Variants in MBTPS2 observed in about 807,000 individuals in gnomAD.
MBTPS2 encodes membrane bound transcription factor peptidase, site 2, also known as membrane-bound transcription factor site-2 protease.
In MBTPS2, 2 loss-of-function variants were observed where a neutral mutation model predicts 35.4. The ratio of observed to expected loss-of-function variants is 0.06; its 90% CI spans 0.02 to 0.18. The LOEUF (loss-of-function observed/expected upper bound fraction) is 0.18, where lower values mean the gene tolerates loss of function less well. Among genes scored for constraint, MBTPS2 ranks in the 10% least tolerant of loss-of-function variants. The probability of loss-of-function intolerance (pLI) is 1.00; values close to 1 mark genes in which losing one functional copy is unlikely to be tolerated. For missense variants in MBTPS2, 244 were observed against 386.5 expected (o/e 0.63, Z 3.09); for synonymous variants, 125 against 140.4 (o/e 0.89, Z 0.77).
At chrX:21,842,596 C>G (rs770477427) in intron 1 of MBTPS2, among the ~76,000 whole-genome samples, 5 of 111,183 alleles carry the variant, frequency 4.5e-5, no homozygotes, top group South Asian at 7.6e-4. Flanking sequence ...TAATGCCCCC[C>G]CCAAAAGTAA....
At chrX:21,873,069 A>C (rs1461563731) in intron 7 of MBTPS2, 2 of 111,740 alleles carry the variant, frequency 1.8e-5, no homozygotes, top group African/African-American at 3.2e-5. Flanking sequence ...AGAGCAATAA[A>C]GCCACCTAGG....
chrX:21,882,305 G>T, intron 10 of MBTPS2, 128 bp from the exon 11 acceptor site: 1 of 547,857 alleles, frequency 1.8e-6, no homozygotes. Flanking sequence ...GAATGGCAGA[G>T]ATTTAAAGAA....
In MBTPS2 at chrX:21,883,100, C is replaced by T. The variant is rs2092961081; in HGVS notation, c.*445C>T. On this transcript the variant is annotated 3_prime_UTR_variant, in exon 11 of 11. Coordinates refer to ENST00000379484, the MANE Select transcript of MBTPS2 (RefSeq NM_015884.4). ...GGATGACCATTGTCTTGGCCTGTAT[C>T]TCTTGTCCTTTGTCTTGTTTGAAAA... The T allele has an allele frequency of 2.6e-6, 2 of 778,391 alleles. No individual in the cohort carries two copies. The highest frequency in any genetic ancestry group is 1.4e-4 in the Admixed American group (2 of 14,071). 64.1% of individuals were successfully genotyped at this position (778,391 alleles called of 1,213,427 possible). A position where few individuals can be genotyped will look rare whatever the true frequency, so the allele number is the denominator to read the frequency against.
chrX:21,842,500 C>T (rs1438648654), intron 1 of MBTPS2, among the ~76,000 whole-genome samples: 1 of 109,125 alleles, frequency 9.2e-6, no homozygotes, highest in Non-Finnish European at 1.9e-5. Flanking sequence ...AGCTATTAGC[C>T]ACATGTGGTT....
chrX:21,863,107 C>A (rs1216958299), intron 5 of MBTPS2, among the ~76,000 whole-genome samples: 1 of 94,442 alleles, frequency 1.1e-5, no homozygotes, highest in African/African-American at 3.8e-5. Context: ...AAAAAACACA[C>A]ACACTAAAAA....
chrX:21,841,262 A>T (rs1242676579), intron 1 of MBTPS2, among the ~76,000 whole-genome samples: 1 of 111,363 alleles, frequency 9.0e-6, no homozygotes, highest in Non-Finnish European at 1.9e-5. Flanking sequence ...CTCTACAAAA[A>T]ATTTAAAAGT....
chrX:21,861,519 G>C (rs1446096178), intron 5 of MBTPS2, among the ~76,000 whole-genome samples: 1 of 110,796 alleles, frequency 9.0e-6, no homozygotes, highest in African/African-American at 3.3e-5. Flanking sequence ...TTTATGAACA[G>C]ATATGGAAAA....
At chrX:21,849,848 A>T (rs1036597515) in intron 3 of MBTPS2, among the ~76,000 whole-genome samples, 3 of 74,440 alleles carry the variant, frequency 4.0e-5, no homozygotes, top group African/African-American at 2.0e-4. Flanking sequence ...CCCCGTCTCT[A>T]CTAAAAATAC....
chrX:21,860,184 G>A (rs1473331190), intron 5 of MBTPS2, among the ~76,000 whole-genome samples: 159 of 112,061 alleles, frequency 1.4e-3, no homozygotes, highest in Non-Finnish European at 2.7e-3. Context: ...GAGGTGGGTG[G>A]ATCACTTAAG....
At chrX:21,872,270 G>A in intron 7 of MBTPS2, 1 of 111,773 alleles carries the variant, frequency 8.9e-6, no homozygotes, top group Admixed American at 9.6e-5. Context: ...CTCTTCAGTA[G>A]GATTGTTTTA....
chrX:21,882,124 A>G (rs2092960175), intron 10 of MBTPS2, among the ~76,000 whole-genome samples: 1 of 111,871 alleles, frequency 8.9e-6, no homozygotes, highest in South Asian at 3.7e-4. Flanking sequence ...TATTCCTTCC[A>G]CATTCCTTTC....
chrX:21,848,109 A>G (rs751949430), intron 3 of MBTPS2, among the ~76,000 whole-genome samples: 2 of 112,818 alleles, frequency 1.8e-5, no homozygotes, highest in Non-Finnish European at 3.7e-5. Context: ...GATATTATGC[A>G]CACATTAAAA....
rs377760119 is a variant in MBTPS2, at chrX:21,869,682, T to A, written c.970+4T>A. 2.6e-5 allele frequency: 31 copies of A among 1,184,531 alleles called. No individual in the cohort carries two copies. The highest frequency in any genetic ancestry group is 2.5e-5 in the Non-Finnish European group (22 of 871,939). ...CAGTTAAGTTTCCCAGTTAGAGGTGTGTATATTTCCTCAATATAATATAAT... is the reference window on the plus strand; with the variant it reads ...CAGTTAAGTTTCCCAGTTAGAGGTGAGTATATTTCCTCAATATAATATAAT... On this transcript the variant is annotated splice_donor_region_variant and intron_variant, in intron 7 of 10. Transcript: ENST00000379484.
intron 4 of MBTPS2, 37 bp downstream of exon 4, chrX:21,851,649 A>G: frequency 1.1e-6 from 1 of 924,351 alleles, no homozygotes; most frequent in Non-Finnish European, 1.6e-6. Context: ...ACTACATGCA[A>G]AAAAAAGCTT....
intron 3 of MBTPS2, among the ~76,000 whole-genome samples, chrX:21,851,075 A>G (rs949711392): frequency 1.8e-5 from 2 of 111,771 alleles, no homozygotes; most frequent in African/African-American, 3.3e-5. Flanking sequence ...ACCTTGCAAT[A>G]ACAATTCAGC....
rs756803253 is a variant in MBTPS2, at chrX:21,863,519, A to G, written c.671-4948A>G. Among the ~76,000 whole-genome samples, 4 of 110,727 alleles carry G rather than the reference A, an allele frequency of 3.6e-5. No individual in the cohort carries two copies. The East Asian group carries it at 1.1e-3, about 31-fold the overall frequency. On this transcript the variant is annotated intron_variant, in intron 5 of 10. Transcript: ENST00000379484. The stretch of plus-strand genomic sequence containing the variant: ...GGAAAGATGACTTTTTATTACTTCT[A>G]TATTGTTTGGAATTTTTATAGTCAG...
chrX:21,883,159 C>T lies in MBTPS2; in HGVS notation c.*504C>T, dbSNP rs910084488. The T allele has an allele frequency of 3.9e-6, 3 of 759,538 alleles. No homozygotes were observed. The highest frequency in any genetic ancestry group is 4.7e-6 in the Non-Finnish European group (3 of 641,363). 62.6% of individuals were successfully genotyped at this position (759,538 alleles called of 1,213,427 possible). A position where few individuals can be genotyped will look rare whatever the true frequency, so the allele number is the denominator to read the frequency against. On this transcript the variant is annotated 3_prime_UTR_variant, in exon 11 of 11. Transcript: ENST00000379484. ...AAACTTAATGGTGTATTATTTTGTG[C>T]TCTGAAAGCTGAGGTCTGATTACAA...
chrX:21,842,552 G>C (rs768855653), intron 1 of MBTPS2, among the ~76,000 whole-genome samples: 13 of 110,826 alleles, frequency 1.2e-4, no homozygotes, highest in African/African-American at 4.3e-4. Context: ...GAGATGTGCT[G>C]TAAGTATAAA....
intron 7 of MBTPS2, chrX:21,872,099 C>T (rs2092947928): frequency 9.0e-6 from 1 of 111,346 alleles, no homozygotes; most frequent in South Asian, 3.7e-4. Flanking sequence ...TTTAAGATGA[C>T]AGAAGATTAA....
Sources: gnomAD v4.1 joint callset for allele counts (sites outside exome capture counted in the v4.1 genomes callset) on GRCh38, gnomAD v4.1.1 for gene constraint, MANE v1.5 for transcripts, NCBI Gene and HGNC (gene_info 2026-07-23, HGNC 2026-07-21) for gene names.